The following PHACTR2 variants were observed in gnomAD, a reference collection of about 807,000 sequenced individuals.
The protein encoded by PHACTR2 is chromosome 6 open reading frame 56.
Under a neutral mutation model 76.0 loss-of-function variants are expected in PHACTR2, and 30 were observed. The observed-to-expected ratio is 0.39, with a 90% CI of 0.30 to 0.54. PHACTR2 has a LOEUF of 0.54. Among genes scored for constraint, PHACTR2 ranks in the 20% least tolerant of loss-of-function variants. PHACTR2 has a pLI of 0.61. For synonymous variants in PHACTR2, 292 were observed against 292.5 expected (o/e 1.00, Z 0.02); for missense variants, 696 against 781.1 (o/e 0.89, Z 1.30).
In PHACTR2 at chr6:143,624,646, T is replaced by C. The variant is rs1776222967; in HGVS notation, c.13+16324T>C. Among the ~76,000 whole-genome samples the C allele has an allele frequency of 6.6e-6, 1 of 152,156 alleles. No individual in the cohort carries two copies. The highest frequency in any genetic ancestry group is 1.5e-5 in the Non-Finnish European group (1 of 68,036). On this transcript the variant is annotated intron_variant, in intron 1 of 11. Coordinates refer to the PHACTR2 transcript ENST00000305766. The surrounding 1 kb of genome is among the most constrained non-coding windows in gnomAD (Gnocchi z 4.6). ...ACATGGCTAAATTCCAGCCTGTGTC[T>C]GCTTGGATGGGGACATGTGTTCAAT...
intron 1 of PHACTR2, among the ~76,000 whole-genome samples, chr6:143,594,165 A>G (rs34979105): frequency 0.21 from 32,140 of 152,236 alleles, 3,516 homozygotes; most frequent in South Asian, 0.33. Context: ...ATGTTGAATA[A>G]AATTACCATC....
intron 1 of PHACTR2, among the ~76,000 whole-genome samples, chr6:143,699,932 C>T (rs1331183541): frequency 1.3e-5 from 2 of 152,158 alleles, no homozygotes; most frequent in African/African-American, 2.4e-5. Flanking sequence ...TGGGATGGAT[C>T]TCCCAGCATC....
intron 1 of PHACTR2, among the ~76,000 whole-genome samples, chr6:143,538,547 C>A (rs1478087293): frequency 6.6e-6 from 1 of 152,208 alleles, no homozygotes; most frequent in African/African-American, 2.4e-5. Context: ...CCTGCCGGGG[C>A]GTGAACGTGC....
intron 2 of PHACTR2, among the ~76,000 whole-genome samples, chr6:143,714,979 G>A (rs1224709478): frequency 6.6e-6 from 1 of 152,108 alleles, no homozygotes; most frequent in Non-Finnish European, 1.5e-5. Flanking sequence ...AAACACAGTT[G>A]TTTCTCTAAC....
rs771689177 is a variant in PHACTR2 at position 143,647,643 on chromosome 6, A to G, written c.13+39321A>G. ...TTTGACTTTACGCGGGAGTCAGGGA[A>G]GGCCTCCGTGAGGATTTGTTAGCTG... is the stretch of plus-strand genomic sequence containing the variant. On this transcript the variant is annotated intron_variant, in intron 1 of 11. Transcript: ENST00000305766. The surrounding 1 kb of genome is among the most constrained non-coding windows in gnomAD (Gnocchi z 4.2). Among the ~76,000 whole-genome samples, 37 of 152,230 alleles carry G rather than the reference A, an allele frequency of 2.4e-4. No individual in the cohort carries two copies. Among genetic ancestry groups the G allele is most frequent in the Non-Finnish European group, 4.7e-4 (32 of 68,038 alleles).
chr6:143,790,134 AAC>A (rs1775646528), intron 11 of PHACTR2, among the ~76,000 whole-genome samples: 1 of 152,200 alleles, frequency 6.6e-6, no homozygotes, highest in African/African-American at 2.4e-5. Flanking sequence ...ACGAGGATCA[AAC>A]ACAATCCTGA....
chr6:143,813,976 A>G (rs1244077996), intron 12 of PHACTR2, among the ~76,000 whole-genome samples: 2 of 152,254 alleles, frequency 1.3e-5, no homozygotes, highest in Non-Finnish European at 2.9e-5. Flanking sequence ...AACATAGTCA[A>G]TCAACACATA....
rs1400336723 is a variant in PHACTR2, at chr6:143,656,626, T to A, written c.13+48304T>A. Among the ~76,000 whole-genome samples the A allele has an allele frequency of 6.6e-6, 1 of 152,104 alleles. No homozygotes were observed. The highest frequency in any genetic ancestry group is 2.4e-5 in the African/African-American group (1 of 41,406). On this transcript the variant is annotated intron_variant, in intron 1 of 11. Coordinates refer to the PHACTR2 transcript ENST00000305766. The surrounding 1 kb of genome is among the most constrained non-coding windows in gnomAD (Gnocchi z 5.3). ...GAGGATACAGGTAGATGAATGAATA[T>A]TGTAGTTGAGTAAATATTACACCCG...
intron 1 of PHACTR2, among the ~76,000 whole-genome samples, chr6:143,711,549 A>G (rs1454605949): frequency 6.6e-6 from 1 of 152,234 alleles, no homozygotes; most frequent in Non-Finnish European, 1.5e-5. Context: ...TAAAAATAGA[A>G]TTTAGCTTCC....
rs141346451 is a variant in PHACTR2, at chr6:143,722,536, A to G, written c.214+10353A>G. Among the ~76,000 whole-genome samples the G allele has an allele frequency of 3.5e-3, 531 of 152,328 alleles. 5 individuals are homozygous for G. Among genetic ancestry groups the G allele is most frequent in the African/African-American group, 0.012 (487 of 41,566 alleles). On this transcript the variant is annotated intron_variant, in intron 2 of 12. Coordinates refer to ENST00000440869, the MANE Select transcript of PHACTR2 (RefSeq NM_001100164.2). The surrounding 1 kb of genome is among the most constrained non-coding windows in gnomAD (Gnocchi z 4.1). ...ATTTTGGGGTATATGTGATATTTTT[A>G]TATAAGCATACAATGTGTAATGTTT... is the stretch of plus-strand genomic sequence containing the variant.
Position 143,772,570 on chromosome 6 carries a change from C to A in PHACTR2, c.1432+113C>A. On this transcript the variant is annotated intron_variant, in intron 7 of 12. Transcript: ENST00000440869. The surrounding 1 kb of genome is among the most constrained non-coding windows in gnomAD (Gnocchi z 5.4). ...CCAGACATCTGATGTTTTCTTTCCC[C>A]TCATCCTCCTTTCTCAAATTAGAAA... The A allele has an allele frequency of 1.4e-6, 1 of 740,426 alleles. No homozygotes were observed. Among genetic ancestry groups the A allele is most frequent in the Non-Finnish European group, 2.3e-6 (1 of 442,844 alleles). 45.9% of individuals were successfully genotyped at this position (740,426 alleles called of 1,614,324 possible).
rs187018107 is a variant in PHACTR2, at chr6:143,728,532, A to G, written c.214+16349A>G. ...AAAAAGAGCCCAAACAGCCAAAGCA[A>G]TCCTGAGCAAAAAGAAGAAAGCTGG... On this transcript the variant is annotated intron_variant, in intron 2 of 12. Coordinates refer to ENST00000440869, the MANE Select transcript of PHACTR2 (RefSeq NM_001100164.2). Among the ~76,000 whole-genome samples, 88 of 152,148 alleles carry G rather than the reference A, an allele frequency of 5.8e-4. 1 individual carries two copies. The highest frequency in any genetic ancestry group is 2.0e-3 in the African/African-American group (85 of 41,522).
intron 1 of PHACTR2, among the ~76,000 whole-genome samples, chr6:143,705,293 A>C (rs1473804574): frequency 1.1e-4 from 12 of 107,910 alleles, no homozygotes; most frequent in Non-Finnish European, 2.0e-4. Context: ...TAATTTTTGC[A>C]TTTTTTTTTT....
intron 1 of PHACTR2, among the ~76,000 whole-genome samples, chr6:143,661,768 G>A (rs1776950061): frequency 6.6e-6 from 1 of 151,968 alleles, no homozygotes; most frequent in Admixed American, 6.6e-5. Flanking sequence ...GGTTGACCAG[G>A]CTGATGTCGA....
intron 1 of PHACTR2, among the ~76,000 whole-genome samples, chr6:143,685,688 G>GA (rs145706092): frequency 0.13 from 10,297 of 78,212 alleles, 466 homozygotes; most frequent in Middle Eastern, 0.16. Context: ...GCAATTAAAT[G>GA]AAAAAAAAAA....
chr6:143,758,353 A>G, intron 4 of PHACTR2, among the ~76,000 whole-genome samples: 1 of 152,252 alleles, frequency 6.6e-6, no homozygotes, highest in East Asian at 1.9e-4. Context: ...GGATGACACT[A>G]TTGGGCTTAG....
rs749072864 is a variant in PHACTR2, at chr6:143,775,198, A to T, written c.1589+983A>T. Among the ~76,000 whole-genome samples, 18 of 152,170 alleles carry T rather than the reference A, an allele frequency of 1.2e-4. No homozygotes were observed. The highest frequency in any genetic ancestry group is 2.4e-4 in the Non-Finnish European group (16 of 68,038). On this transcript the variant is annotated intron_variant, in intron 8 of 12. Transcript: ENST00000440869. This position sits in a 1 kb window ranked among gnomAD's most constrained non-coding sequence, Gnocchi z 4.4. ...CAGCTGAGTTGTGCAGAAAGGTGTC[A>T]GAGACAGCAGCTGTGGCATCTATCT...
rs945440389 is a variant in PHACTR2 at position 143,783,619 on chromosome 6, A to T, written c.1707+339A>T. On this transcript the variant is annotated intron_variant, in intron 10 of 12. Transcript: ENST00000440869. The surrounding 1 kb of genome is among the most constrained non-coding windows in gnomAD (Gnocchi z 5.2). ...GGGAGACAGAATGAGACCCTGTCTCAAAAAAATGAAATAAAATAAAATAAA... is the reference window on the plus strand; with the variant it reads ...GGGAGACAGAATGAGACCCTGTCTCTAAAAAATGAAATAAAATAAAATAAA... Among the ~76,000 whole-genome samples, 2 of 152,186 alleles carry T rather than the reference A, an allele frequency of 1.3e-5. No individual in the cohort carries two copies. Among genetic ancestry groups the T allele is most frequent in the African/African-American group, 4.8e-5 (2 of 41,450 alleles).
chr6:143,625,972 G>A lies in PHACTR2; in HGVS notation c.13+17650G>A, dbSNP rs62427369. The stretch of plus-strand genomic sequence containing the variant: ...AGTGACTGGCCATCTAAATGTGACT[G>A]GGTTACAAAATTTGGGAGATTTGCA... On this transcript the variant is annotated intron_variant, in intron 1 of 11. Transcript: ENST00000305766. The surrounding 1 kb of genome is among the most constrained non-coding windows in gnomAD (Gnocchi z 4.3). Among the ~76,000 whole-genome samples, 1 of 152,154 alleles carries A rather than the reference G, an allele frequency of 6.6e-6. No homozygotes were observed. Among genetic ancestry groups the A allele is most frequent in the African/African-American group, 2.4e-5 (1 of 41,444 alleles).
Sources: allele counts gnomAD v4.1 joint callset (sites outside exome capture counted in the v4.1 genomes callset), GRCh38; gene constraint gnomAD v4.1.1; non-coding constraint Gnocchi (gnomAD v3.1); transcripts MANE v1.5; gene names NCBI Gene and HGNC (gene_info 2026-07-23, HGNC 2026-07-21).